CFAP61: variants seen among roughly 807,000 people sequenced by gnomAD.
CFAP61 encodes the protein cilia and flagella associated protein 61, also known as cilia- and flagella-associated protein 61.
Under a neutral mutation model 135.6 loss-of-function variants are expected in CFAP61, and 107 were observed. The observed-to-expected ratio is 0.79, with a 90% confidence interval of 0.67 to 0.93. The LOEUF (loss-of-function observed/expected upper bound fraction) is 0.93. Among genes scored for constraint, CFAP61 ranks in the 40% least tolerant of loss-of-function variants. CFAP61 has a pLI of 0.00. For missense variants in CFAP61, 1,507 were observed against 1,556.2 expected (o/e 0.97, Z 0.53); for synonymous variants, 575 against 578.5 (o/e 0.99, Z 0.09).
At chr20:20,272,329 A>G (rs1280658811) in intron 21 of CFAP61, among the ~76,000 whole-genome samples, 1 of 152,108 alleles carries the variant, frequency 6.6e-6, no homozygotes, top group African/African-American at 2.4e-5. Context: ...AGTTCCAGCT[A>G]CTCAGGAGGC....
At chr20:20,127,898 G>A (rs2050197174) in intron 8 of CFAP61, among the ~76,000 whole-genome samples, 1 of 151,558 alleles carries the variant, frequency 6.6e-6, no homozygotes, top group African/African-American at 2.4e-5. Flanking sequence ...GAGGTTCCCA[G>A]GTAAGTGGAG....
At chr20:20,263,254 G>C in intron 21 of CFAP61, 124 bp downstream of exon 21, 2 of 631,456 alleles carry the variant, frequency 3.2e-6, no homozygotes. Context: ...TCATTCATCT[G>C]TCATGCTTTG....
intron 25 of CFAP61, among the ~76,000 whole-genome samples, chr20:20,324,319 C>T (rs1031155634): frequency 6.6e-6 from 1 of 152,078 alleles, no homozygotes; most frequent in Non-Finnish European, 1.5e-5. Flanking sequence ...CAACACTGAC[C>T]GCAGTCTCAG....
chr20:20,309,705 G>A lies in CFAP61; in HGVS notation c.3422+11319G>A, dbSNP rs371096481. ...ATCATTTACCTATTATAAGAAGATT[G>A]GCCAAAAAAAAAATTATGTTTGGGA... On this transcript the variant is annotated intron_variant, in intron 25 of 26. Transcript: ENST00000245957. Among the ~76,000 whole-genome samples, 4 of 151,596 alleles carry A rather than the reference G, an allele frequency of 2.6e-5. No homozygotes were observed. The East Asian group carries it at 5.8e-4, about 22-fold the overall frequency.
chr20:20,355,715 G>C (rs2059094916), intron 26 of CFAP61, among the ~76,000 whole-genome samples: 2 of 144,734 alleles, frequency 1.4e-5, no homozygotes, highest in African/African-American at 2.6e-5. Context: ...TGGTCACACT[G>C]TGAGGGGAGG....
chr20:20,159,258 G>A (rs537204694), intron 9 of CFAP61, 112 bp from the exon 10 acceptor site: 2 of 909,400 alleles, frequency 2.2e-6, no homozygotes, highest in Admixed American at 1.9e-5. Context: ...ATGCCACAAG[G>A]CCAGTAAGCT....
At chr20:20,114,974 T>C (rs994840451) in intron 8 of CFAP61, among the ~76,000 whole-genome samples, 1 of 152,238 alleles carries the variant, frequency 6.6e-6, no homozygotes, top group African/African-American at 2.4e-5. Context: ...TTTTCTGTGT[T>C]TCCTGAAATG....
chr20:20,295,323 A>C (rs1292071777), intron 24 of CFAP61, among the ~76,000 whole-genome samples: 2 of 152,156 alleles, frequency 1.3e-5, no homozygotes, highest in African/African-American at 4.8e-5. Context: ...CCCCCTTGAC[A>C]CCTGGGCTCC....
chr20:20,351,719 A>C (rs1189526994), intron 26 of CFAP61, among the ~76,000 whole-genome samples: 2 of 152,192 alleles, frequency 1.3e-5, no homozygotes, highest in South Asian at 2.1e-4. Flanking sequence ...AGAGCTATAA[A>C]ACATTGATGA....
chr20:20,285,835 T>C (rs963196), intron 22 of CFAP61, among the ~76,000 whole-genome samples: 118,303 of 150,788 alleles, frequency 0.78, 46,705 homozygotes, highest in Middle Eastern at 0.87. Context: ...GCAGAAGGAT[T>C]CCTTGAACCC....
intron 6 of CFAP61, among the ~76,000 whole-genome samples, chr20:20,082,475 C>T (rs2046500448): frequency 6.6e-6 from 1 of 152,204 alleles, no homozygotes; most frequent in African/African-American, 2.4e-5. Flanking sequence ...TCTGGACACA[C>T]CTCTAAAATC....
intron 18 of CFAP61, among the ~76,000 whole-genome samples, chr20:20,239,517 C>G (rs1281970095): frequency 6.6e-6 from 1 of 152,104 alleles, no homozygotes; most frequent in Non-Finnish European, 1.5e-5. Context: ...AAACACTTAC[C>G]ATTTATTGAA....
At chr20:20,085,049 T>C in intron 6 of CFAP61, 1 of 924,290 alleles carries the variant, frequency 1.1e-6, no homozygotes, top group Non-Finnish European at 1.3e-6. Context: ...ATGGAAGATA[T>C]AAAGTAACTT....
At chr20:20,149,101 C>T (rs1459761681) in intron 9 of CFAP61, among the ~76,000 whole-genome samples, 2 of 152,178 alleles carry the variant, frequency 1.3e-5, no homozygotes, top group Non-Finnish European at 2.9e-5. Flanking sequence ...ATATAAAATA[C>T]TTCACTCAAC....
intron 17 of CFAP61, chr20:20,201,087 G>A (rs918079329): frequency 4.5e-6 from 2 of 448,636 alleles, no homozygotes; most frequent in African/African-American, 2.1e-5. Context: ...AATTAGTCAT[G>A]GACTGATAGT....
At chr20:20,111,250 C>A (rs1299349692) in intron 8 of CFAP61, among the ~76,000 whole-genome samples, 1 of 152,124 alleles carries the variant, frequency 6.6e-6, no homozygotes, top group East Asian at 1.9e-4. Flanking sequence ...GTTTGCTTTG[C>A]TGAACTGAGA....
intron 9 of CFAP61, among the ~76,000 whole-genome samples, chr20:20,154,358 C>G (rs2052705025): frequency 6.6e-6 from 1 of 151,964 alleles, no homozygotes; most frequent in Admixed American, 6.6e-5. Flanking sequence ...CTAGCCAGAG[C>G]AATTAGACAA....
intron 8 of CFAP61, among the ~76,000 whole-genome samples, chr20:20,135,718 CATT>C (rs762933243): frequency 9.2e-5 from 14 of 152,210 alleles, no homozygotes; most frequent in South Asian, 2.1e-4. Context: ...TGTCTTGAAA[CATT>C]ATAGTTATTA....
intron 25 of CFAP61, among the ~76,000 whole-genome samples, chr20:20,320,376 TATATATGTAATATATATA>T (rs2057398420): frequency 1.5e-4 from 1 of 6,718 alleles, no homozygotes; most frequent in Non-Finnish European, 5.3e-4. Context: ...ATATATATTA[TATATATGTAATATATATA>T]ATATATGTAA....
Sources: gnomAD v4.1 joint callset for allele counts (sites outside exome capture counted in the v4.1 genomes callset) on GRCh38, gnomAD v4.1.1 for gene constraint, MANE v1.5 for transcripts, NCBI Gene and HGNC (gene_info 2026-07-23, HGNC 2026-07-21) for gene names.